R3HCC1L: variants seen among roughly 807,000 people sequenced by gnomAD.
R3HCC1L encodes R3H domain and coiled-coil containing 1 like, also known as coiled-coil domain-containing protein R3HCC1L.
R3HCC1L carries 51 observed loss-of-function variants against 59.9 expected under a neutral mutation model. That is an observed-to-expected ratio of 0.85 (90% CI 0.68 to 1.07). The LOEUF (loss-of-function observed/expected upper bound fraction) is 1.07, where lower values mean the gene tolerates loss of function less well. Ranked by LOEUF, R3HCC1L falls within the 50% of genes least tolerant of loss-of-function variation. The pLI, the probability that R3HCC1L is intolerant of heterozygous loss-of-function variation, is 0.00. For synonymous variants in R3HCC1L, 322 were observed against 315.2 expected, an observed-to-expected ratio of 1.02 and a Z score of -0.23; for missense variants, 965 against 933.0, an observed-to-expected ratio of 1.03 and a Z score of -0.45.
At chr10:98,187,208 T>C (rs1426108145) in intron 4 of R3HCC1L, among the ~76,000 whole-genome samples, 1 of 146,968 alleles carries the variant, frequency 6.8e-6, no homozygotes, top group East Asian at 2.0e-4. Context: ...TTGATTTTGA[T>C]TTTTTTTTTT....
intron 4 of R3HCC1L, among the ~76,000 whole-genome samples, chr10:98,197,162 C>T (rs1851524338): frequency 6.6e-6 from 1 of 152,094 alleles, no homozygotes; most frequent in African/African-American, 2.4e-5. Flanking sequence ...GTTGGCCTGG[C>T]TGGCCTTGAA....
At chr10:98,162,105 T>A (rs922592284) in intron 2 of R3HCC1L, among the ~76,000 whole-genome samples, 4 of 151,430 alleles carry the variant, frequency 2.6e-5, no homozygotes, top group African/African-American at 9.7e-5. Flanking sequence ...AAATTCTCCT[T>A]TTTTTTTTCA....
At chr10:98,182,860 A>G (rs539695604) in intron 4 of R3HCC1L, among the ~76,000 whole-genome samples, 69 of 152,184 alleles carry the variant, frequency 4.5e-4, no homozygotes, top group Non-Finnish European at 9.3e-4. Flanking sequence ...AAGGGATATA[A>G]TCTCCTGGTG....
intron 9 of R3HCC1L, among the ~76,000 whole-genome samples, chr10:98,242,138 A>C (rs1404398726): frequency 6.6e-6 from 1 of 152,208 alleles, no homozygotes; most frequent in East Asian, 1.9e-4. Context: ...TGAGCTCAGG[A>C]GTTCAAGACC....
intron 5 of R3HCC1L, among the ~76,000 whole-genome samples, chr10:98,217,302 C>A (rs2135402749): frequency 6.6e-6 from 1 of 152,108 alleles, no homozygotes. Context: ...GTTCTTGGTG[C>A]CTTTGTCGAA....
At chr10:98,226,843 G>A (rs1855726413) in intron 5 of R3HCC1L, among the ~76,000 whole-genome samples, 1 of 152,188 alleles carries the variant, frequency 6.6e-6, no homozygotes, top group African/African-American at 2.4e-5. Flanking sequence ...CCACTTATGT[G>A]GTGATCACTT....
chr10:98,160,712 AC>A (rs1404573663), intron 2 of R3HCC1L, among the ~76,000 whole-genome samples: 1 of 152,196 alleles, frequency 6.6e-6, no homozygotes, highest in African/African-American at 2.4e-5. Flanking sequence ...TGAAACATCA[AC>A]ATGTTTCCAA....
At chr10:98,152,743 C>T (rs1180954325) in intron 1 of R3HCC1L, among the ~76,000 whole-genome samples, 1 of 142,686 alleles carries the variant, frequency 7.0e-6, no homozygotes, top group Non-Finnish European at 1.6e-5. Flanking sequence ...GTGAGGAGCC[C>T]CTCCGCCTGG....
chr10:98,144,968 A>G (rs1845515851), intron 1 of R3HCC1L, among the ~76,000 whole-genome samples: 1 of 152,238 alleles, frequency 6.6e-6, no homozygotes, highest in South Asian at 2.1e-4. Flanking sequence ...GAGACAAACA[A>G]GTGATCTTAA....
intron 9 of R3HCC1L, among the ~76,000 whole-genome samples, chr10:98,237,683 C>T (rs958468851): frequency 1.3e-5 from 2 of 152,114 alleles, no homozygotes; most frequent in Non-Finnish European, 2.9e-5. Flanking sequence ...TTTCTCCTAC[C>T]TATTGGTGCT....
chr10:98,148,590 A>G (rs774697243), intron 1 of R3HCC1L, among the ~76,000 whole-genome samples: 6 of 152,112 alleles, frequency 3.9e-5, no homozygotes, highest in Non-Finnish European at 7.4e-5. Flanking sequence ...TTTTTATCAT[A>G]AAGGGATATT....
At chr10:98,181,960 C>T (rs1032345696) in intron 4 of R3HCC1L, among the ~76,000 whole-genome samples, 3 of 152,034 alleles carry the variant, frequency 2.0e-5, no homozygotes, top group Non-Finnish European at 4.4e-5. Context: ...TTCAAACATC[C>T]TCCTTTAGCT....
At chr10:98,147,572 G>T (rs1050049367) in intron 1 of R3HCC1L, among the ~76,000 whole-genome samples, 2 of 152,038 alleles carry the variant, frequency 1.3e-5, no homozygotes, top group South Asian at 2.1e-4. Context: ...AATCCATTTT[G>T]ATTTGATTTT....
At chr10:98,143,418 T>C (rs1384364573) in intron 1 of R3HCC1L, among the ~76,000 whole-genome samples, 1 of 152,252 alleles carries the variant, frequency 6.6e-6, no homozygotes, top group African/African-American at 2.4e-5. Flanking sequence ...AATTAAGTAC[T>C]GGAGTTGACA....
intron 4 of R3HCC1L, among the ~76,000 whole-genome samples, chr10:98,196,740 T>C (rs1406825867): frequency 1.3e-5 from 2 of 152,200 alleles, no homozygotes; most frequent in Non-Finnish European, 2.9e-5. Context: ...TCCTTCCTTC[T>C]ACTCTTGTCC....
intron 1 of R3HCC1L, among the ~76,000 whole-genome samples, chr10:98,141,661 T>C (rs1218858352): frequency 2.0e-5 from 3 of 152,224 alleles, no homozygotes; most frequent in Non-Finnish European, 4.4e-5. Context: ...CCTGGAGGCT[T>C]CTTCACTCAC....
chr10:98,194,272 A>G (rs937079394), intron 4 of R3HCC1L, among the ~76,000 whole-genome samples: 1 of 152,152 alleles, frequency 6.6e-6, no homozygotes, highest in Non-Finnish European at 1.5e-5. Context: ...AAAACTGGAT[A>G]TCCACATGCA....
chr10:98,193,197 C>T (rs182940059), intron 4 of R3HCC1L, among the ~76,000 whole-genome samples: 3 of 152,000 alleles, frequency 2.0e-5, no homozygotes, highest in East Asian at 1.9e-4. Context: ...GAAGTTTTTC[C>T]TCTAAGATCA....
At chr10:98,242,216 A>G (rs1408286393) in intron 9 of R3HCC1L, among the ~76,000 whole-genome samples, 1 of 152,144 alleles carries the variant, frequency 6.6e-6, no homozygotes, top group Non-Finnish European at 1.5e-5. Flanking sequence ...GCATGGTGGC[A>G]TGTGCCTGTT....
Sources: gnomAD v4.1 joint callset for allele counts (sites outside exome capture counted in the v4.1 genomes callset) on GRCh38, gnomAD v4.1.1 for gene constraint, MANE v1.5 for transcripts, NCBI Gene and HGNC (gene_info 2026-07-23, HGNC 2026-07-21) for gene names.